Variants in DNAJA4 observed in about 807,000 individuals in gnomAD.
The protein encoded by DNAJA4 is DnaJ heat shock protein family (Hsp40) member A4.
DNAJA4 carries 32 observed loss-of-function variants against 39.7 expected under a neutral mutation model. The ratio of observed to expected loss-of-function variants is 0.81; its 90% CI spans 0.61 to 1.08. The LOEUF is 1.08. Ranked by LOEUF, DNAJA4 falls within the 50% of genes least tolerant of loss-of-function variation. The probability of loss-of-function intolerance (pLI) is 0.00; values close to 1 mark genes in which losing one functional copy is unlikely to be tolerated. For missense variants in DNAJA4, 439 were observed against 505.1 expected (o/e 0.87, Z 1.25); for synonymous variants, 184 against 182.4 (o/e 1.01, Z -0.07).
rs142388412 is a variant in DNAJA4 at position 78,279,851 on chromosome 15, C to T, written c.878-194C>T. 1.5e-3 allele frequency: 928 copies of T among 607,600 alleles called. 13 individuals are homozygous for T. In the East Asian group the frequency reaches 0.022, roughly 14 times the overall value. The allele number at this position is 607,600 out of a possible 1,614,324, so 37.6% of individuals were successfully genotyped here. Reference sequence around the variant, plus strand: ...GAGCCCAGAGCACAGGCCAGAGTCTCAGCCTGAGCCCCTTCCCCAGGCAGT... The same window carrying T: ...GAGCCCAGAGCACAGGCCAGAGTCTTAGCCTGAGCCCCTTCCCCAGGCAGT... On this transcript the variant is annotated intron_variant, in intron 5 of 6. Transcript: ENST00000394852. This position sits in a 1 kb window ranked among gnomAD's most constrained non-coding sequence, Gnocchi z 4.5.
chr15:78,264,939 A>G (rs749207588), intron 1 of DNAJA4, 44 bp downstream of exon 1: 2 of 1,519,350 alleles, frequency 1.3e-6, no homozygotes, highest in East Asian at 2.6e-5. Context: ...CGAGGGGCCA[A>G]GGGTTATTAA....
chr15:78,275,208 T>G (rs2049417250), intron 4 of DNAJA4: 2 of 400,728 alleles, frequency 5.0e-6, no homozygotes, highest in South Asian at 3.5e-5. Flanking sequence ...CCTATGCTGG[T>G]GGTGTGGCAT....
At chr15:78,273,253 A>T in intron 3 of DNAJA4, 54 bp downstream of exon 3, 1 of 1,033,300 alleles carries the variant, frequency 9.7e-7, no homozygotes, top group Admixed American at 1.9e-5. Flanking sequence ...AGATTCAGAA[A>T]CAATGCTTGT....
In DNAJA4 at chr15:78,280,030, C is replaced by T. The variant is rs767156459; in HGVS notation, c.878-15C>T. The T allele has an allele frequency of 4.3e-6, 7 of 1,613,214 alleles. No individual in the cohort carries two copies. The highest frequency in any genetic ancestry group is 3.3e-5 in the Admixed American group (2 of 59,950). ...CTCTGCCTTCCTCCTTCCTAATTGA[C>T]CCTTTCTCTGGCAGGTGAGGTGATA... On this transcript the variant is annotated splice_polypyrimidine_tract_variant and intron_variant, in intron 5 of 6. Transcript: ENST00000394852.
chr15:78,276,651 C>G (rs2049469034), intron 5 of DNAJA4, among the ~76,000 whole-genome samples: 1 of 152,274 alleles, frequency 6.6e-6, no homozygotes, highest in African/African-American at 2.4e-5. Flanking sequence ...CCGAAGCAGC[C>G]TGGGCCCCAG....
intron 1 of DNAJA4, chr15:78,266,054 TACTC>T (rs1438219521): frequency 3.3e-6 from 2 of 602,534 alleles, no homozygotes; most frequent in African/African-American, 3.7e-5. Context: ...ATTTGTCTGT[TACTC>T]ACTTGCGTTC....
intron 5 of DNAJA4, among the ~76,000 whole-genome samples, chr15:78,277,591 T>C (rs2049506496): frequency 6.6e-6 from 1 of 152,170 alleles, no homozygotes; most frequent in Non-Finnish European, 1.5e-5. Context: ...GTGTCCAAGA[T>C]GCCCTTACGT....
At chr15:78,267,638 C>G (rs973184757) in intron 1 of DNAJA4, among the ~76,000 whole-genome samples, 2 of 152,064 alleles carry the variant, frequency 1.3e-5, no homozygotes, top group African/African-American at 4.8e-5. Context: ...GAATAATAGA[C>G]TTTCAAGTTC....
chr15:78,279,985 A>G lies in DNAJA4; in HGVS notation c.878-60A>G. 6.5e-7 allele frequency: 1 copy of G among 1,536,442 alleles called. No homozygotes were observed. Among genetic ancestry groups the G allele is most frequent in the Non-Finnish European group, 9.0e-7 (1 of 1,115,508 alleles). ...CCTGCCGCAGGCTCTCCCATGAGGG[A>G]GAACGACCTCTGCAGGCCCCTCTGC... On this transcript the variant is annotated intron_variant, in intron 5 of 6. Coordinates refer to ENST00000394852, the MANE Select transcript of DNAJA4 (RefSeq NM_001130182.2). This position sits in a 1 kb window ranked among gnomAD's most constrained non-coding sequence, Gnocchi z 4.5.
At chr15:78,264,517 C>T (rs1008635391), upstream of DNAJA4, 12 of 1,236,184 alleles carry the variant, frequency 9.7e-6, no homozygotes, top group Admixed American at 4.7e-4. Context: ...GCGGAAGCTT[C>T]CGCCGGCGCC....
chr15:78,280,675 CTA>C lies in DNAJA4; in HGVS notation c.*216_*217del, dbSNP rs2049630800. ...TAAATGTTTTAAGTATAAATCACCT[CTA>C]GTCTGCATATGGAATCTGTTCATTT... is the stretch of plus-strand genomic sequence containing the variant. On this transcript the variant is annotated 3_prime_UTR_variant, in exon 7 of 7. Transcript: ENST00000394852. 1.9e-6 allele frequency: 1 copy of C among 523,218 alleles called. No homozygotes were observed. The highest frequency in any genetic ancestry group is 2.8e-5 in the South Asian group (1 of 36,092). The allele number at this position is 523,218 out of a possible 1,614,324, so 32.4% of individuals were successfully genotyped here.
chr15:78,279,773 T>G lies in DNAJA4; in HGVS notation c.878-272T>G. On this transcript the variant is annotated intron_variant, in intron 5 of 6. Coordinates refer to ENST00000394852, the MANE Select transcript of DNAJA4 (RefSeq NM_001130182.2). The surrounding 1 kb of genome is among the most constrained non-coding windows in gnomAD (Gnocchi z 4.5). ...GTCATGACTTCTAGTTCACTTGTTTTAAACCTACCTGTGATGGCAGCTGCA... is the reference window on the plus strand; with the variant it reads ...GTCATGACTTCTAGTTCACTTGTTTGAAACCTACCTGTGATGGCAGCTGCA... 3.9e-6 allele frequency: 2 copies of G among 516,238 alleles called. No homozygotes were observed. The highest frequency in any genetic ancestry group is 6.9e-6 in the Non-Finnish European group (2 of 290,240). The allele number at this position is 516,238 out of a possible 1,614,324, so 32.0% of individuals were successfully genotyped here. A position where few individuals can be genotyped will look rare whatever the true frequency, so the allele number is the denominator to read the frequency against.
intron 1 of DNAJA4, chr15:78,265,491 A>G (rs1055128544): frequency 4.3e-6 from 3 of 702,262 alleles, no homozygotes; most frequent in African/African-American, 3.5e-5. Context: ...GGACACGGAC[A>G]TCTGCAACCT....
chr15:78,267,193 A>AGTGTGTGTGTGT, intron 1 of DNAJA4, among the ~76,000 whole-genome samples: 1 of 150,444 alleles, frequency 6.6e-6, no homozygotes, highest in African/African-American at 2.5e-5. Context: ...TGTGTGTGTG[A>AGTGTGTGTGTGT]GTGTGTATGT....
In DNAJA4 at chr15:78,279,385, A is replaced by G. The variant is rs901724080; in HGVS notation, c.878-660A>G. ...AGAGGGAAGTTTCTGACTTGGGAGAACGCCTTAGAGTTCTTGGGGTCTGAA... is the reference window on the plus strand; with the variant it reads ...AGAGGGAAGTTTCTGACTTGGGAGAGCGCCTTAGAGTTCTTGGGGTCTGAA... On this transcript the variant is annotated intron_variant, in intron 5 of 6. Transcript: ENST00000394852. The surrounding 1 kb of genome is among the most constrained non-coding windows in gnomAD (Gnocchi z 4.5). 2.6e-5 allele frequency: 4 copies of G among 152,314 alleles called. No individual in the cohort carries two copies. The highest frequency in any genetic ancestry group is 5.9e-5 in the Non-Finnish European group (4 of 68,138). 9.4% of individuals were successfully genotyped at this position (152,314 alleles called of 1,614,324 possible).
chr15:78,267,176 G>GTA (rs1567115054), intron 1 of DNAJA4, among the ~76,000 whole-genome samples: 7 of 120,744 alleles, frequency 5.8e-5, no homozygotes, highest in African/African-American at 1.5e-4. Flanking sequence ...GTGTGTGAGT[G>GTA]TGTGAGTGTG....
In DNAJA4 at chr15:78,270,514, G is replaced by C; in HGVS notation, c.150G>C (p.Gln50His). 1 of 1,613,454 alleles carries C rather than the reference G, an allele frequency of 6.2e-7. No individual in the cohort carries two copies. The highest frequency in any genetic ancestry group is 1.3e-5 in the African/African-American group (1 of 74,934). ...TTTTAAAGTTTAAACTCATATCCCA[G>C]GCATATGAAGTGCTTTCAGATCCAA... ...DEGEKFKLISQAYEVLSDPKK... is the reference protein window; with the variant it reads ...DEGEKFKLISHAYEVLSDPKK... The change falls in exon 2 of 7, where the codon CAG (glutamine) becomes CAC (histidine). Residue 50 changes from glutamine (Q) to histidine (H), a missense_variant. Physicochemically the swap from Gln to His is conservative, Grantham distance 24. Coordinates refer to ENST00000394852, the MANE Select transcript of DNAJA4 (RefSeq NM_001130182.2).
chr15:78,280,254 C>G lies in DNAJA4; in HGVS notation c.988C>G (p.Pro330Ala). The G allele has an allele frequency of 1.2e-6, 2 of 1,614,022 alleles. No individual in the cohort carries two copies. Residue 330 changes from proline to alanine, a missense_variant, in exon 7 of 7, where the codon CCT (proline) becomes GCT (alanine). By Grantham distance (27) the Pro-to-Ala change is conservative. Coordinates refer to ENST00000394852, the MANE Select transcript of DNAJA4 (RefSeq NM_001130182.2). The stretch of plus-strand genomic sequence containing the variant: ...ACCTCACCCTTTACAGGTAATCTTT[C>G]CTGAAAAACACTGGCTTTCTCTGGA... ...ILIIQFLVIFPEKHWLSLEKL... is the reference protein window; with the variant it reads ...ILIIQFLVIFAEKHWLSLEKL...
intron 2 of DNAJA4, among the ~76,000 whole-genome samples, chr15:78,272,148 A>G (rs1042151336): frequency 6.6e-6 from 1 of 152,142 alleles, no homozygotes; most frequent in African/African-American, 2.4e-5. Flanking sequence ...CATCCTGGCT[A>G]ACATGGTGAA....
Sources: gnomAD v4.1 joint callset for allele counts (sites outside exome capture counted in the v4.1 genomes callset) on GRCh38, gnomAD v4.1.1 for gene constraint, Gnocchi (gnomAD v3.1) non-coding constraint, MANE v1.5 for transcripts, NCBI Gene and HGNC (gene_info 2026-07-23, HGNC 2026-07-21) for gene names.